SHANK2: variants seen among roughly 807,000 people sequenced by gnomAD.
SHANK2 encodes SH3 and multiple ankyrin repeat domains protein 2.
SHANK2 carries 43 observed loss-of-function variants against 133.7 expected under a neutral mutation model. That is an observed-to-expected ratio of 0.32 (90% CI 0.25 to 0.41). SHANK2 has a LOEUF of 0.41. Among genes scored for constraint, SHANK2 ranks in the 10% least tolerant of loss-of-function variants. The pLI is 1.00. For synonymous variants in SHANK2, 1,017 were observed against 952.8 expected (o/e 1.07, Z -1.24); for missense variants, 1,994 against 2,235.8 (o/e 0.89, Z 2.18).
At position 71,175,545 on chromosome 11, in the gene SHANK2, GGAGA is replaced by G. The variant is rs1185600541; in HGVS notation, c.-12-28211_-12-28208del. Among the ~76,000 whole-genome samples, 6 of 79,304 alleles carry G rather than the reference GGAGA, an allele frequency of 7.6e-5. No individual in the cohort carries two copies. Among genetic ancestry groups the G allele is most frequent in the African/African-American group, 8.9e-5 (2 of 22,506 alleles). The allele number at this position is 79,304 out of a possible 152,430, so 52.0% of individuals were successfully genotyped here. A position where few individuals can be genotyped will look rare whatever the true frequency, so the allele number is the denominator to read the frequency against. The stretch of plus-strand genomic sequence containing the variant: ...GACAGACAGACAGACAGAGGGAGAG[GGAGA>G]GGGAGAGAGAGAGAGAGAGAGAGAG... On this transcript the variant is annotated intron_variant, in intron 2 of 25. Transcript: ENST00000601538. The surrounding 1 kb of genome is among the most constrained non-coding windows in gnomAD (Gnocchi z 4.2).
At chr11:70,874,390 T>G (rs1277693082) in intron 11 of SHANK2, among the ~76,000 whole-genome samples, 5 of 152,150 alleles carry the variant, frequency 3.3e-5, no homozygotes, top group African/African-American at 9.7e-5. Flanking sequence ...TTACACACAC[T>G]GGAGTGCACT....
At chr11:70,536,716 G>A (rs559334239) in intron 17 of SHANK2, among the ~76,000 whole-genome samples, 4 of 152,306 alleles carry the variant, frequency 2.6e-5, no homozygotes, top group African/African-American at 7.2e-5. Context: ...AAATGGAACC[G>A]TGCACCGTGC....
At chr11:70,581,297 T>C (rs536445571) in intron 17 of SHANK2, among the ~76,000 whole-genome samples, 2 of 152,206 alleles carry the variant, frequency 1.3e-5, no homozygotes, top group Non-Finnish European at 2.9e-5. Flanking sequence ...CATCTTCCTA[T>C]CTGAATGGTA....
chr11:71,092,607 A>T lies in SHANK2; in HGVS notation c.745-18T>A. ...AAAAGGGTCTAGGAAAAAAAAATTG[A>T]AAGCCGTCGTTATTGGTCTCATGAC... On this transcript the variant is annotated intron_variant, in intron 7 of 25. Coordinates refer to ENST00000601538, the MANE Select transcript of SHANK2 (RefSeq NM_012309.5). 1 of 1,549,440 alleles carries T rather than the reference A, an allele frequency of 6.5e-7. No homozygotes were observed. The highest frequency in any genetic ancestry group is 1.4e-5 in the African/African-American group (1 of 73,076).
chr11:70,658,007 A>G (rs1382671750), intron 17 of SHANK2, among the ~76,000 whole-genome samples: 1 of 152,078 alleles, frequency 6.6e-6, no homozygotes, highest in African/African-American at 2.4e-5. Flanking sequence ...TCTCTTATTG[A>G]TGAGGTTATC....
In SHANK2 at chr11:70,639,013, CA is replaced by C. The variant is rs201211059; in HGVS notation, c.2061+20814del. ...ACTCCATCTCAAAAAAACAAAAAAA[CA>C]AAAAAAAAACAAAAAAAACATTGAG... On this transcript the variant is annotated intron_variant, in intron 17 of 25. Coordinates refer to ENST00000601538, the MANE Select transcript of SHANK2 (RefSeq NM_012309.5). Among the ~76,000 whole-genome samples the C allele has an allele frequency of 4.4e-5, 6 of 136,326 alleles. No homozygotes were observed. In the East Asian group the frequency reaches 9.9e-4, roughly 22 times the overall value. 89.4% of individuals were successfully genotyped at this position (136,326 alleles called of 152,430 possible).
intron 11 of SHANK2, among the ~76,000 whole-genome samples, chr11:70,826,314 G>A (rs560364214): frequency 6.6e-6 from 1 of 152,172 alleles, no homozygotes; most frequent in South Asian, 2.1e-4. Context: ...AAACCAAACC[G>A]TATCCCAAAC....
chr11:70,626,959 T>C (rs958247703), intron 17 of SHANK2, among the ~76,000 whole-genome samples: 5 of 152,172 alleles, frequency 3.3e-5, no homozygotes, highest in Admixed American at 3.3e-4. Flanking sequence ...ACGTATCTCA[T>C]TTCCTGGGCA....
chr11:70,943,835 G>A (rs979437477), intron 10 of SHANK2: 66 of 440,558 alleles, frequency 1.5e-4, no homozygotes, highest in Non-Finnish European at 2.9e-4. Context: ...CTCACCACAG[G>A]GCCAACCACA....
intron 3 of SHANK2, among the ~76,000 whole-genome samples, chr11:71,142,092 G>C (rs1220653606): frequency 6.6e-6 from 1 of 151,988 alleles, no homozygotes; most frequent in Non-Finnish European, 1.5e-5. Flanking sequence ...TTTTCAAAAA[G>C]AAAGAGTGCA....
At chr11:71,083,286 A>T (rs1951326053) in intron 8 of SHANK2, among the ~76,000 whole-genome samples, 1 of 151,922 alleles carries the variant, frequency 6.6e-6, no homozygotes, top group Non-Finnish European at 1.5e-5. Flanking sequence ...TGGCCACATG[A>T]TGATGACAAT....
At chr11:70,528,267 C>T (rs1554972517) in intron 17 of SHANK2, among the ~76,000 whole-genome samples, 1 of 152,206 alleles carries the variant, frequency 6.6e-6, no homozygotes, top group East Asian at 1.9e-4. Flanking sequence ...GGCTCTCGGG[C>T]TGCTGTGGTG....
At chr11:70,594,072 C>T (rs782649377) in intron 17 of SHANK2, among the ~76,000 whole-genome samples, 6 of 152,136 alleles carry the variant, frequency 3.9e-5, no homozygotes, top group African/African-American at 7.2e-5. Context: ...TGGAGCTGCC[C>T]GATTCGTAAA....
chr11:70,699,617 G>T (rs569714188), intron 14 of SHANK2, among the ~76,000 whole-genome samples: 1 of 152,164 alleles, frequency 6.6e-6, no homozygotes, highest in African/African-American at 2.4e-5. Flanking sequence ...CCCAAATTCT[G>T]AGGTGAAATC....
chr11:70,511,282 A>G (rs1052243188), intron 17 of SHANK2, among the ~76,000 whole-genome samples: 4 of 152,264 alleles, frequency 2.6e-5, no homozygotes, highest in Non-Finnish European at 4.4e-5. Context: ...CCAGTTCAGC[A>G]GGGACAGAGG....
chr11:71,244,167 A>G (rs1484664847), intron 1 of SHANK2, among the ~76,000 whole-genome samples: 1 of 152,142 alleles, frequency 6.6e-6, no homozygotes, highest in African/African-American at 2.4e-5. Context: ...GCTCTCTCAG[A>G]GTCTCCTAAA....
At chr11:71,227,382 A>T (rs1277110854) in intron 1 of SHANK2, among the ~76,000 whole-genome samples, 12 of 152,170 alleles carry the variant, frequency 7.9e-5, no homozygotes, top group Non-Finnish European at 5.9e-5. Context: ...ATGGAATAAG[A>T]TACCTTATAC....
At chr11:71,063,042 A>AAGAGAG (rs1308563172) in intron 9 of SHANK2, among the ~76,000 whole-genome samples, 7 of 145,574 alleles carry the variant, frequency 4.8e-5, no homozygotes, top group African/African-American at 1.7e-4. Context: ...GAGAAAGAGA[A>AAGAGAG]AGAGAGAGAA....
chr11:70,579,141 C>A lies in SHANK2; in HGVS notation c.2062-76210G>T, dbSNP rs566525289. Among the ~76,000 whole-genome samples, 28 of 152,330 alleles carry A rather than the reference C, an allele frequency of 1.8e-4. No individual in the cohort carries two copies. In the South Asian group the frequency reaches 5.4e-3, roughly 29 times the overall value. ...TTTATTAAATTAGGTCTTGCTCAGT[C>A]TCCAGGTCCAGCTCACCCCTGGCAA... On this transcript the variant is annotated intron_variant, in intron 17 of 25. Transcript: ENST00000601538.
Sources: allele counts gnomAD v4.1 joint callset (sites outside exome capture counted in the v4.1 genomes callset), GRCh38; gene constraint gnomAD v4.1.1; non-coding constraint Gnocchi (gnomAD v3.1); transcripts MANE v1.5; gene names NCBI Gene and HGNC (gene_info 2026-07-23, HGNC 2026-07-21).